Variants in PCDHA1 observed in about 807,000 individuals in gnomAD.
PCDHA1 encodes protocadherin alpha-1.
In PCDHA1, 42 loss-of-function variants were observed where a neutral mutation model predicts 61.3. The ratio of observed to expected loss-of-function variants is 0.69; its 90% CI spans 0.54 to 0.89. PCDHA1 has a LOEUF of 0.89. Among genes scored for constraint, PCDHA1 ranks in the 40% least tolerant of loss-of-function variants. The pLI is 0.00. For synonymous variants in PCDHA1, 610 were observed against 553.8 expected, an observed-to-expected ratio of 1.10 and a Z score of -1.43; for missense variants, 1,256 against 1,235.3, an observed-to-expected ratio of 1.02 and a Z score of -0.25.
At chr5:140,931,260 T>C (rs576177407) in intron 1 of PCDHA1, among the ~76,000 whole-genome samples, 104 of 152,274 alleles carry the variant, frequency 6.8e-4, no homozygotes, top group East Asian at 3.1e-3. Flanking sequence ...GAAATTTCAC[T>C]ATTTATTTCT....
intron 1 of PCDHA1, chr5:140,848,966 G>C (rs2150427042): frequency 1.9e-5 from 31 of 1,605,602 alleles, no homozygotes; most frequent in Non-Finnish European, 2.6e-5. Flanking sequence ...TAGAGGGCGC[G>C]TCCGATGCAG....
chr5:140,869,828 T>G, intron 1 of PCDHA1: 2 of 1,611,962 alleles, frequency 1.2e-6, no homozygotes, highest in South Asian at 2.2e-5. Context: ...GATCCAGAGT[T>G]TGATAAATCA....
At position 140,853,772 on chromosome 5, in the gene PCDHA1, T is replaced by C. The variant is rs1315934965; in HGVS notation, c.2394+65088T>C. 8 of 988,006 alleles carry C rather than the reference T, an allele frequency of 8.1e-6. No homozygotes were observed. The African/African-American group carries it at 1.4e-4, about 17-fold the overall frequency. 61.2% of individuals were successfully genotyped at this position (988,006 alleles called of 1,614,324 possible). On this transcript the variant is annotated intron_variant, in intron 1 of 3. Coordinates refer to ENST00000504120, the MANE Select transcript of PCDHA1 (RefSeq NM_018900.4). Reference sequence around the variant, plus strand: ...AGGCTCCACCTCAGAAATTCTGAAATGGGTAGTAAGAGCAAATTTTCATTT... The same window carrying C: ...AGGCTCCACCTCAGAAATTCTGAAACGGGTAGTAAGAGCAAATTTTCATTT...
At chr5:140,800,623 C>G (rs1253253440) in intron 1 of PCDHA1, among the ~76,000 whole-genome samples, 1 of 152,036 alleles carries the variant, frequency 6.6e-6, no homozygotes, top group African/African-American at 2.4e-5. Flanking sequence ...TCCCATCGTA[C>G]CAAGAGATAA....
chr5:140,834,168 A>G, intron 1 of PCDHA1: 1 of 548,726 alleles, frequency 1.8e-6, no homozygotes, highest in Non-Finnish European at 3.2e-6. Flanking sequence ...ATTCTTACTT[A>G]CATGATGGCC....
intron 1 of PCDHA1, among the ~76,000 whole-genome samples, chr5:140,890,615 C>A (rs1266338521): frequency 6.6e-6 from 1 of 152,026 alleles, no homozygotes; most frequent in Non-Finnish European, 1.5e-5. Context: ...AGTGCTTACC[C>A]TAGAAAATTA....
intron 1 of PCDHA1, chr5:140,841,411 G>C: frequency 6.2e-7 from 1 of 1,613,088 alleles, no homozygotes; most frequent in Non-Finnish European, 8.5e-7. Flanking sequence ...GGAGCGGCCA[G>C]CTCCACTACT....
intron 1 of PCDHA1, chr5:140,809,158 C>G (rs782790826): frequency 3.1e-6 from 5 of 1,613,830 alleles, no homozygotes; most frequent in East Asian, 2.2e-5. Flanking sequence ...ACGGCGAGCC[C>G]GCGCTGACGG....
intron 1 of PCDHA1, chr5:140,849,822 G>A: frequency 6.3e-7 from 1 of 1,598,624 alleles, no homozygotes; most frequent in East Asian, 2.2e-5. Context: ...CAGGGTGTCT[G>A]TGGAGGTGGC....
intron 1 of PCDHA1, chr5:140,869,464 G>C: frequency 6.2e-7 from 1 of 1,614,198 alleles, no homozygotes; most frequent in Non-Finnish European, 8.5e-7. Context: ...CCATGTGAAC[G>C]TGGAGGTGAA....
chr5:140,948,142 T>G (rs1194720907), intron 1 of PCDHA1, among the ~76,000 whole-genome samples: 1 of 151,674 alleles, frequency 6.6e-6, no homozygotes, highest in Admixed American at 6.6e-5. Flanking sequence ...CTAATTGATT[T>G]TTGAATGTTG....
At chr5:140,988,501 A>G (rs966150033) in intron 3 of PCDHA1, among the ~76,000 whole-genome samples, 3 of 152,164 alleles carry the variant, frequency 2.0e-5, no homozygotes, top group Non-Finnish European at 2.9e-5. Context: ...AGGAGAAGCC[A>G]TGAAGCTTAC....
chr5:140,924,665 C>A (rs528625954), intron 1 of PCDHA1, among the ~76,000 whole-genome samples: 3 of 152,050 alleles, frequency 2.0e-5, no homozygotes, highest in Non-Finnish European at 4.4e-5. Flanking sequence ...GAGGCCGAGG[C>A]AGGCCAATCA....
Position 140,787,005 on chromosome 5 carries a change from G to A in PCDHA1, c.715G>A (p.Ala239Thr). The A allele has an allele frequency of 1.9e-6, 3 of 1,614,114 alleles. No homozygotes were observed. The highest frequency in any genetic ancestry group is 2.2e-5 in the East Asian group (1 of 44,880). Residue 239 changes from alanine (A) to threonine (T), a missense_variant, in exon 1 of 4, where the codon GCC becomes ACC. Coordinates refer to ENST00000504120, the MANE Select transcript of PCDHA1 (RefSeq NM_018900.4). ...LITVLDVNDNAPLFDQAVYRV... is the reference protein window; with the variant it reads ...LITVLDVNDNTPLFDQAVYRV... ...CACCGTCCTCGACGTTAATGATAAC[G>A]CCCCACTGTTTGACCAGGCCGTATA...
At chr5:140,837,655 T>G (rs1323533582) in intron 1 of PCDHA1, among the ~76,000 whole-genome samples, 2 of 151,204 alleles carry the variant, frequency 1.3e-5, no homozygotes, top group Admixed American at 1.3e-4. Flanking sequence ...CTTTCTTCCT[T>G]TTTCTTTCAT....
At chr5:140,792,883 G>A (rs996809843) in intron 1 of PCDHA1, among the ~76,000 whole-genome samples, 9 of 152,170 alleles carry the variant, frequency 5.9e-5, no homozygotes, top group Non-Finnish European at 1.0e-4. Context: ...AGCTCCAGGA[G>A]AATTTGGGTA....
intron 1 of PCDHA1, chr5:140,794,716 T>C (rs1415229399): frequency 6.4e-6 from 3 of 467,858 alleles, no homozygotes; most frequent in East Asian, 3.3e-5. Flanking sequence ...ATGAAAGCTA[T>C]GAGTAAACTT....
rs572043416 is a variant in PCDHA1 at position 140,803,675 on chromosome 5, G to A, written c.2394+14991G>A. On this transcript the variant is annotated intron_variant, in intron 1 of 3. Coordinates refer to ENST00000504120, the MANE Select transcript of PCDHA1 (RefSeq NM_018900.4). ...CCACTCCTCTGGAAATACATTAATA[G>A]TTAAGTATGAATTATGTGATTCATA... 16 of 1,592,166 alleles carry A rather than the reference G, an allele frequency of 1.0e-5. No homozygotes were observed. In the African/African-American group the frequency reaches 1.9e-4, roughly 19 times the overall value.
At chr5:140,825,666 C>T (rs1209779806) in intron 1 of PCDHA1, 2 of 152,100 alleles carry the variant, frequency 1.3e-5, no homozygotes, top group Non-Finnish European at 2.9e-5. Context: ...AGGTGATTTA[C>T]CCGCCTCGGC....
Sources: allele counts gnomAD v4.1 joint callset (sites outside exome capture counted in the v4.1 genomes callset), GRCh38; gene constraint gnomAD v4.1.1; transcripts MANE v1.5; gene names NCBI Gene and HGNC (gene_info 2026-07-23, HGNC 2026-07-21).